Variants in DENND5B observed in about 807,000 individuals in gnomAD.
DENND5B encodes DENN domain-containing protein 5B.
DENND5B carries 34 observed loss-of-function variants against 140.6 expected under a neutral mutation model. That is an observed-to-expected ratio of 0.24 (90% CI 0.18 to 0.32). The LOEUF (loss-of-function observed/expected upper bound fraction) is 0.32, where lower values mean the gene tolerates loss of function less well. DENND5B is among the 10% of genes least tolerant of loss of function. The probability of loss-of-function intolerance (pLI) is 1.00; values close to 1 mark genes in which losing one functional copy is unlikely to be tolerated. For synonymous variants in DENND5B, 551 were observed against 562.1 expected, an observed-to-expected ratio of 0.98 and a Z score of 0.28; for missense variants, 1,142 against 1,560.2, an observed-to-expected ratio of 0.73 and a Z score of 4.52.
chr12:31,417,533 T>C (rs1288313921), intron 11 of DENND5B, among the ~76,000 whole-genome samples: 1 of 152,066 alleles, frequency 6.6e-6, no homozygotes, highest in Non-Finnish European at 1.5e-5. Flanking sequence ...ATAGCTAACA[T>C]TTATTTAAGA....
At chr12:31,507,447 G>A (rs987035835) in intron 1 of DENND5B, among the ~76,000 whole-genome samples, 2 of 152,236 alleles carry the variant, frequency 1.3e-5, no homozygotes, top group Admixed American at 6.5e-5. Flanking sequence ...ATTATTATAC[G>A]ACAGTTTTAG....
In DENND5B at chr12:31,418,587, C is replaced by G. The variant is rs918940070; in HGVS notation, c.2471-3139G>C. ...GGGATTATAGGCATGAGCCATCACA[C>G]CCGGCCACAGCTTTCTTTTTGAGGA... On this transcript the variant is annotated intron_variant, in intron 11 of 20. Transcript: ENST00000389082. 2.6e-5 allele frequency among the ~76,000 whole-genome samples: 4 copies of G among 152,014 alleles called. No individual in the cohort carries two copies. In the South Asian group the frequency reaches 8.3e-4, roughly 32 times the overall value.
rs140941190 is a variant in DENND5B at position 31,561,552 on chromosome 12, C to T, written c.127+29154G>A. On this transcript the variant is annotated intron_variant, in intron 1 of 20. Coordinates refer to ENST00000389082, the MANE Select transcript of DENND5B (RefSeq NM_144973.4). ...GGGCTTACTTGAGACTTGATGCTTA[C>T]GTTTAAAATATATATATACATATTT... 4.2e-3 allele frequency among the ~76,000 whole-genome samples: 633 copies of T among 152,250 alleles called. 5 individuals are homozygous for T. Among genetic ancestry groups the T allele is most frequent in the African/African-American group, 0.014 (576 of 41,532 alleles).
chr12:31,452,647 G>A (rs1944586865), intron 4 of DENND5B, among the ~76,000 whole-genome samples, 171 bp from the exon 5 acceptor site: 1 of 152,054 alleles, frequency 6.6e-6, no homozygotes, highest in South Asian at 2.1e-4. Flanking sequence ...AACACGGCAA[G>A]ATTCTGTTTC....
rs560304446 is a variant in DENND5B, at chr12:31,588,595, A to C, written c.127+2111T>G. ...GTATTGTAAGTAATCTAGAGATGAC[A>C]AAGTGTACAGGAAAATGTTCATAGG... On this transcript the variant is annotated intron_variant, in intron 1 of 20. Coordinates refer to ENST00000389082, the MANE Select transcript of DENND5B (RefSeq NM_144973.4). Among the ~76,000 whole-genome samples, 8 of 152,344 alleles carry C rather than the reference A, an allele frequency of 5.3e-5. No individual in the cohort carries two copies. In the East Asian group the frequency reaches 7.7e-4, roughly 15 times the overall value.
intron 3 of DENND5B, among the ~76,000 whole-genome samples, chr12:31,475,162 T>C (rs1398539220): frequency 6.6e-6 from 1 of 152,162 alleles, no homozygotes; most frequent in African/African-American, 2.4e-5. Context: ...GAGGATTAAA[T>C]GTAGGGAAAA....
At chr12:31,523,690 A>G (rs1471759272) in intron 1 of DENND5B, among the ~76,000 whole-genome samples, 1 of 152,202 alleles carries the variant, frequency 6.6e-6, no homozygotes, top group African/African-American at 2.4e-5. Context: ...TTTATGTTAT[A>G]TAAATTTTGC....
At chr12:31,505,316 G>A (rs1947157711) in intron 1 of DENND5B, among the ~76,000 whole-genome samples, 2 of 147,934 alleles carry the variant, frequency 1.4e-5, no homozygotes, top group Admixed American at 1.4e-4. Flanking sequence ...TTGGCTCACT[G>A]CAACCTCTGC....
At chr12:31,472,177 C>T (rs1403332775) in intron 3 of DENND5B, among the ~76,000 whole-genome samples, 3 of 152,188 alleles carry the variant, frequency 2.0e-5, no homozygotes, top group African/African-American at 7.2e-5. Flanking sequence ...TTACTCTCAT[C>T]TTACAGATGC....
intron 4 of DENND5B, among the ~76,000 whole-genome samples, chr12:31,453,564 C>T (rs1944635226): frequency 6.6e-6 from 1 of 151,990 alleles, no homozygotes; most frequent in South Asian, 2.1e-4. Context: ...AAAAGTGTAG[C>T]CCATCACATA....
At chr12:31,578,145 A>C (rs1366566369) in intron 1 of DENND5B, among the ~76,000 whole-genome samples, 2 of 151,512 alleles carry the variant, frequency 1.3e-5, no homozygotes, top group Non-Finnish European at 2.9e-5. Context: ...AAAAAAAAAA[A>C]AAAAAACTAC....
intron 2 of DENND5B, among the ~76,000 whole-genome samples, chr12:31,481,511 T>C (rs892632906): frequency 6.6e-6 from 1 of 152,076 alleles, no homozygotes; most frequent in Non-Finnish European, 1.5e-5. Context: ...AGACACACAT[T>C]AGAAAAGAAG....
intron 20 of DENND5B, among the ~76,000 whole-genome samples, chr12:31,388,660 C>A (rs1940970004): frequency 2.0e-5 from 3 of 152,030 alleles, no homozygotes; most frequent in Admixed American, 2.0e-4. Flanking sequence ...ATCTAAAGGT[C>A]TGTATGTTTC....
intron 6 of DENND5B, chr12:31,444,200 G>C (rs996071070): frequency 6.6e-6 from 1 of 152,188 alleles, no homozygotes. Context: ...CTAATTTTGT[G>C]ATTTAAGAGA....
chr12:31,402,868 T>G (rs1941882908), intron 14 of DENND5B, among the ~76,000 whole-genome samples: 1 of 152,198 alleles, frequency 6.6e-6, no homozygotes, highest in African/African-American at 2.4e-5. Flanking sequence ...TTTCACAGCA[T>G]GTATATCATC....
intron 2 of DENND5B, among the ~76,000 whole-genome samples, chr12:31,490,889 AAAGT>A (rs928778871): frequency 9.2e-5 from 14 of 152,234 alleles, no homozygotes; most frequent in Admixed American, 2.6e-4. Flanking sequence ...AGCAAATTAT[AAAGT>A]AAGAGCTTTA....
At chr12:31,426,514 A>T in intron 8 of DENND5B, 90 bp from the exon 9 acceptor site, 1 of 1,436,834 alleles carries the variant, frequency 7.0e-7, no homozygotes, top group Non-Finnish European at 9.2e-7. Flanking sequence ...GAGACAAATG[A>T]AATGCAAAAA....
intron 13 of DENND5B, among the ~76,000 whole-genome samples, chr12:31,409,935 C>T (rs1197281697): frequency 3.3e-5 from 5 of 152,134 alleles, no homozygotes; most frequent in Non-Finnish European, 7.3e-5. Context: ...TGGGGCTGGC[C>T]CTCATTAAGC....
At chr12:31,396,170 A>G (rs1197306495) in intron 17 of DENND5B, among the ~76,000 whole-genome samples, 3 of 150,516 alleles carry the variant, frequency 2.0e-5, no homozygotes, top group Non-Finnish European at 4.4e-5. Flanking sequence ...CTCAGGTTCA[A>G]GCAATTCTCC....
Sources: gnomAD v4.1 joint callset for allele counts (sites outside exome capture counted in the v4.1 genomes callset) on GRCh38, gnomAD v4.1.1 for gene constraint, MANE v1.5 for transcripts, NCBI Gene and HGNC (gene_info 2026-07-23, HGNC 2026-07-21) for gene names.